FASN: variants seen among roughly 807,000 people sequenced by gnomAD.
FASN encodes the protein 3-hydroxyacyl-[acyl-carrier-protein] dehydratase.
In FASN, 50 loss-of-function variants were observed where a neutral mutation model predicts 250.0. That is an observed-to-expected ratio of 0.20 (90% confidence interval 0.16 to 0.25). The LOEUF is 0.25. FASN is among the 10% of genes least tolerant of loss of function. The pLI, the probability that FASN is intolerant of heterozygous loss-of-function variation, is 1.00. For synonymous variants in FASN, 1,909 were observed against 1,584.0 expected (o/e 1.21, Z -4.87); for missense variants, 3,031 against 3,498.5 (o/e 0.87, Z 3.37).
intron 37 of FASN, 79 bp downstream of exon 37, chr17:82,081,522 A>C: frequency 6.2e-7 from 1 of 1,600,098 alleles, no homozygotes. Flanking sequence ...TGAGGCGCAC[A>C]GGGGCACGAC....
rs979329981 is a variant in FASN at position 82,079,121 on chromosome 17, G to A, written c.*22C>T. The stretch of plus-strand genomic sequence containing the variant: ...GGGTGGGGATGGTGGAGTGACCTCC[G>A]GTGGCAGGCGGGGGCACGGGCCTAG... On this transcript the variant is annotated 3_prime_UTR_variant, in exon 43 of 43. Coordinates refer to ENST00000306749, the MANE Select transcript of FASN (RefSeq NM_004104.5). 1.9e-5 allele frequency: 30 copies of A among 1,605,522 alleles called. 1 individual carries two copies. In the Admixed American group the frequency reaches 3.8e-4, roughly 21 times the overall value.
intron 21 of FASN, 125 bp downstream of exon 21, chr17:82,086,925 G>A (rs1568111002): frequency 4.7e-6 from 5 of 1,053,838 alleles, no homozygotes; most frequent in East Asian, 2.6e-5. Flanking sequence ...CCGGCCGGAG[G>A]GTTGGGCTAG....
Position 82,084,333 on chromosome 17 carries a change from T to C in FASN, c.4820A>G (p.Asp1607Gly). The change falls in exon 28 of 43, where the codon GAC becomes GGC. Residue 1607 changes from aspartate (D) to glycine (G), a missense_variant. Asp to Gly is a moderately conservative substitution (Grantham distance 94). Coordinates refer to ENST00000306749, the MANE Select transcript of FASN (RefSeq NM_004104.5). ...TCCCATCACACGCTTGCCGCTGGCG[T>C]CTCGGCCCGAGAACTCCATACCTAG... ...SLLGMEFSGR[D>G]ASGKRVMGLV... The C allele has an allele frequency of 6.2e-7, 1 of 1,609,480 alleles. No homozygotes were observed. Among genetic ancestry groups the C allele is most frequent in the Non-Finnish European group, 8.5e-7 (1 of 1,178,574 alleles).
rs1204539015 is a variant in FASN at position 82,080,292 on chromosome 17, G to C, written c.7048-54C>G. 51 of 1,610,828 alleles carry C rather than the reference G, an allele frequency of 3.2e-5. No homozygotes were observed. In the Admixed American group the frequency reaches 3.8e-4, roughly 12 times the overall value. On this transcript the variant is annotated intron_variant, in intron 40 of 42. Transcript: ENST00000306749. ...ATGGAAGGGGCGGGGCCTCCTAAGCGACGGTCCCCCAAAGCCAGGGCACAG... is the reference window on the plus strand; with the variant it reads ...ATGGAAGGGGCGGGGCCTCCTAAGCCACGGTCCCCCAAAGCCAGGGCACAG...
At chr17:82,085,433 C>T in intron 23 of FASN, 31 bp from the exon 24 acceptor site, 1 of 1,601,616 alleles carries the variant, frequency 6.2e-7, no homozygotes, top group East Asian at 2.3e-5. Flanking sequence ...ACCCTGCCCG[C>T]CTGGCCCTCA....
At position 82,090,951 on chromosome 17, in the gene FASN, C is replaced by T. The variant is rs772037505; in HGVS notation, c.1611G>A (p.Leu537=). ...VKPFGLKVSQ[L]LLSTDESTFD... is the part of the protein sequence containing the mutation. ...AGGTGCTCTCGTCTGTGCTCAGCAGCAGCTGTGACACCTTCAGGCCGAATG... is the reference window on the plus strand; with the variant it reads ...AGGTGCTCTCGTCTGTGCTCAGCAGTAGCTGTGACACCTTCAGGCCGAATG... Residue 537 remains leucine (L), a synonymous_variant, in exon 10 of 43, where the codon CTG becomes CTA. Transcript: ENST00000306749. 6 of 1,612,728 alleles carry T rather than the reference C, an allele frequency of 3.7e-6. No homozygotes were observed. The highest frequency in any genetic ancestry group is 3.3e-4 in the Middle Eastern group (2 of 6,084).
chr17:82,079,377 C>T lies in FASN; in HGVS notation c.7378G>A (p.Ala2460Thr), dbSNP rs149224679. 5.6e-4 allele frequency: 906 copies of T among 1,612,946 alleles called. 1 individual carries two copies. Among genetic ancestry groups the T allele is most frequent in the Non-Finnish European group, 6.9e-4 (812 of 1,179,998 alleles). Residue 2460 changes from alanine (A) to threonine (T), a missense_variant, in exon 42 of 43, where the codon GCG (alanine) becomes ACG (threonine). Transcript: ENST00000306749. ...CGCACCTGGGAGAGGTTGTAGTCCG[C>T]GCCCAGGTCCTCGCCGTAGGCGCCA... Reference protein sequence around the residue: ...TGGAYGEDLGADYNLSQVCDG... With the variant: ...TGGAYGEDLGTDYNLSQVCDG...
chr17:82,096,645 G>A (rs1246996498), intron 1 of FASN, 193 bp from the exon 2 acceptor site: 4 of 761,764 alleles, frequency 5.3e-6, no homozygotes, highest in Non-Finnish European at 8.6e-6. Flanking sequence ...GCTGGGAGGG[G>A]CTGCGTGCTC....
At chr17:82,095,283 G>A (rs2034284693) in intron 3 of FASN, 37 bp downstream of exon 3, 10 of 1,609,234 alleles carry the variant, frequency 6.2e-6, no homozygotes, top group Middle Eastern at 1.7e-4. Context: ...TGAGCAGCAG[G>A]AGCCCTCGGC....
At position 82,083,840 on chromosome 17, in the gene FASN, C is replaced by T. The variant is rs780128305; in HGVS notation, c.5150G>A (p.Ser1717Asn). ...GTCCCGGGAGTTGGCGAAGCTGGTGCTGTCGAGCTGGGGGAACCTGGCCTG... is the reference window on the plus strand; with the variant it reads ...GTCCCGGGAGTTGGCGAAGCTGGTGTTGTCGAGCTGGGGGAACCTGGCCTG... ...YLQARFPQLD[S>N]TSFANSRDTS... The change falls in exon 30 of 43, where the codon AGC becomes AAC. Residue 1717 changes from serine to asparagine, a missense_variant. Transcript: ENST00000306749. 2 of 1,600,202 alleles carry T rather than the reference C, an allele frequency of 1.2e-6. No individual in the cohort carries two copies. The highest frequency in any genetic ancestry group is 2.2e-5 in the East Asian group (1 of 44,486).
chr17:82,082,319 C>A lies in FASN; in HGVS notation c.6011+4G>T, dbSNP rs1481698487. 3 of 1,612,380 alleles carry A rather than the reference C, an allele frequency of 1.9e-6. No homozygotes were observed. In the South Asian group the frequency reaches 3.3e-5, roughly 18 times the overall value. ...AGGCGGGAGCAGGGCTGTGCGGTAC[C>A]CACCTGTCCAGGTTCAGGGTGCCGC... On this transcript the variant is annotated splice_donor_region_variant and intron_variant, in intron 35 of 42. Transcript: ENST00000306749.
At position 82,079,024 on chromosome 17, in the gene FASN, G is replaced by C; in HGVS notation, c.*119C>G. The stretch of plus-strand genomic sequence containing the variant: ...ACATCTAGCAGCCTCGGGGGGCAGT[G>C]GCACTGGGCCGGACAGGGTCCCACC... On this transcript the variant is annotated 3_prime_UTR_variant, in exon 43 of 43. Transcript: ENST00000306749. 1 of 1,191,734 alleles carries C rather than the reference G, an allele frequency of 8.4e-7. No individual in the cohort carries two copies. The highest frequency in any genetic ancestry group is 1.2e-6 in the Non-Finnish European group (1 of 845,026). 73.8% of individuals were successfully genotyped at this position (1,191,734 alleles called of 1,614,324 possible).
chr17:82,093,769 T>C lies in FASN; in HGVS notation c.283A>G (p.Ile95Val), dbSNP rs747501525. The C allele has an allele frequency of 3.7e-6, 6 of 1,612,378 alleles. No individual in the cohort carries two copies. Among genetic ancestry groups the C allele is most frequent in the Non-Finnish European group, 4.2e-6 (5 of 1,179,812 alleles). Residue 95 changes from isoleucine (I) to valine (V), a missense_variant and splice_region_variant, in exon 4 of 43, where the codon ATC becomes GTC. Coordinates refer to ENST00000306749, the MANE Select transcript of FASN (RefSeq NM_004104.5). The part of the protein sequence containing the change: ...VTYEAIVDGG[I>V]NPDSLRGTHT... The stretch of plus-strand genomic sequence containing the variant: ...GTTCCTCGGAGTGAATCTGGGTTGA[T>C]GCCTGCCACAAACAGTGGTCAAGGT...
At chr17:82,090,611 G>A (rs1598581478) in intron 10 of FASN, 47 bp from the exon 11 acceptor site, 2 of 1,538,940 alleles carry the variant, frequency 1.3e-6, no homozygotes, top group Admixed American at 1.8e-5. Flanking sequence ...AGCAGGTGCA[G>A]CTGTTGGGGG....
At chr17:82,093,112 G>A in intron 5 of FASN, 93 bp from the exon 6 acceptor site, 1 of 1,571,868 alleles carries the variant, frequency 6.4e-7, no homozygotes. Flanking sequence ...GGGTGCTTGG[G>A]TGGGGGATCC....
rs748875772 is a variant in FASN, at chr17:82,092,537, C to T, written c.947G>A (p.Arg316His). The change falls in exon 8 of 43, where the codon CGC becomes CAC. Residue 316 changes from arginine to histidine, a missense_variant. Transcript: ENST00000306749. ...GGAGCCGATGAGCAGCGGCTCCTGG[C>T]GGGTGGCGCACAGGGCTCGGGTGAT... is the stretch of plus-strand genomic sequence containing the variant. ...NGITRALCAT[R>H]QEPLLIGSTK... 4 of 1,605,544 alleles carry T rather than the reference C, an allele frequency of 2.5e-6. No individual in the cohort carries two copies. The highest frequency in any genetic ancestry group is 1.1e-5 in the South Asian group (1 of 90,392).
Position 82,078,904 on chromosome 17 carries a change from CGGCT to C in FASN, c.*235_*238del. ...CAGTTCCTGCGGGCACGGGCACCAC[CGGCT>C]CTTCACAGACCAGGAGTCTCCAAGT... On this transcript the variant is annotated 3_prime_UTR_variant, in exon 43 of 43. Coordinates refer to ENST00000306749, the MANE Select transcript of FASN (RefSeq NM_004104.5). This position sits in a 1 kb window ranked among gnomAD's most constrained non-coding sequence, Gnocchi z 5.4. 1 of 594,486 alleles carries C rather than the reference CGGCT, an allele frequency of 1.7e-6. No homozygotes were observed. The highest frequency in any genetic ancestry group is 3.0e-6 in the Non-Finnish European group (1 of 338,346). 36.8% of individuals were successfully genotyped at this position (594,486 alleles called of 1,614,324 possible). A position where few individuals can be genotyped will look rare whatever the true frequency, so the allele number is the denominator to read the frequency against.
chr17:82,080,376 G>A lies in FASN; in HGVS notation c.7041C>T (p.Tyr2347=), dbSNP rs2033965073. The A allele has an allele frequency of 6.2e-7, 1 of 1,603,560 alleles. No individual in the cohort carries two copies. The highest frequency in any genetic ancestry group is 8.5e-7 in the Non-Finnish European group (1 of 1,175,692). Residue 2347 remains tyrosine, a synonymous_variant, in exon 40 of 43, where the codon TAC becomes TAT. Coordinates refer to ENST00000306749, the MANE Select transcript of FASN (RefSeq NM_004104.5). ...FDGSPTYVLA[Y]TQSYRAKLTP... is the part of the protein sequence containing the mutation. Reference sequence around the variant, plus strand: ...GGACCAGCCTGGCTCTCACCTGGGTGTAGGCCAGTACGTAGGTGGGCGAGC... The same window carrying A: ...GGACCAGCCTGGCTCTCACCTGGGTATAGGCCAGTACGTAGGTGGGCGAGC...
At chr17:82,093,887 G>C (rs2034260061) in intron 3 of FASN, 116 bp from the exon 4 acceptor site, 3 of 1,141,070 alleles carry the variant, frequency 2.6e-6, no homozygotes, top group Non-Finnish European at 3.8e-6. Flanking sequence ...TGGGGTGAGG[G>C]GGGGTCCATC....
Sources: gnomAD v4.1 joint callset for allele counts on GRCh38, gnomAD v4.1.1 for gene constraint, Gnocchi (gnomAD v3.1) non-coding constraint, MANE v1.5 for transcripts, NCBI Gene and HGNC (gene_info 2026-07-23, HGNC 2026-07-21) for gene names.